The following PPEF1 variants were observed in gnomAD, a reference collection of about 807,000 sequenced individuals.
PPEF1 encodes the protein protein phosphatase with EF-hand domain 1.
Under a neutral mutation model 53.3 loss-of-function variants are expected in PPEF1, and 12 were observed. The observed-to-expected ratio is 0.23, with a 90% CI of 0.14 to 0.36. The LOEUF (loss-of-function observed/expected upper bound fraction) is 0.36, where lower values mean the gene tolerates loss of function less well. Among genes scored for constraint, PPEF1 ranks in the 10% least tolerant of loss-of-function variants. The pLI, the probability that PPEF1 is intolerant of heterozygous loss-of-function variation, is 1.00. For synonymous variants in PPEF1, 165 were observed against 176.7 expected (o/e 0.93, Z 0.52); for missense variants, 334 against 490.4 (o/e 0.68, Z 3.01).
chrX:18,813,388 A>C (rs1316534209), intron 12 of PPEF1, among the ~76,000 whole-genome samples: 3 of 110,342 alleles, frequency 2.7e-5, no homozygotes, highest in Non-Finnish European at 5.7e-5. Context: ...CAAAAAAAAA[A>C]AAAAAAAAAA....
chrX:18,695,223 G>T (rs1207708330), intron 4 of PPEF1, among the ~76,000 whole-genome samples: 3 of 112,483 alleles, frequency 2.7e-5, no homozygotes, highest in African/African-American at 9.7e-5. Flanking sequence ...CTGGCTTTTG[G>T]CTAGAGACTT....
chrX:18,789,532 C>T (rs765470875), intron 10 of PPEF1, among the ~76,000 whole-genome samples: 51 of 112,233 alleles, frequency 4.5e-4, no homozygotes, highest in African/African-American at 1.6e-3. Flanking sequence ...AATTTTAGAA[C>T]GTTTTCATCA....
chrX:18,733,557 G>T (rs2044888631), intron 2 of PPEF1, among the ~76,000 whole-genome samples, 191 bp from the exon 3 acceptor site: 1 of 111,630 alleles, frequency 9.0e-6, no homozygotes, highest in South Asian at 3.8e-4. Flanking sequence ...GGGCGTTCAT[G>T]TGTTACCCTG....
At chrX:18,691,479 C>G (rs969950868) in intron 4 of PPEF1, 1 of 111,845 alleles carries the variant, frequency 8.9e-6, no homozygotes, top group Non-Finnish European at 1.9e-5. Flanking sequence ...GATGGTCTTG[C>G]AAGGTGACTC....
At chrX:18,745,085 TG>T (rs2147441747) in intron 3 of PPEF1, among the ~76,000 whole-genome samples, 1 of 96,106 alleles carries the variant, frequency 1.0e-5, no homozygotes, top group African/African-American at 3.8e-5. Flanking sequence ...TATATTTATA[TG>T]GAATATATAT....
intron 6 of PPEF1, among the ~76,000 whole-genome samples, chrX:18,762,436 G>A (rs949639695): frequency 8.9e-6 from 1 of 111,911 alleles, no homozygotes; most frequent in Admixed American, 9.5e-5. Flanking sequence ...TTACCAGAAA[G>A]GGGTCCCGAT....
At chrX:18,750,440 C>G (rs747875944) in intron 4 of PPEF1, among the ~76,000 whole-genome samples, 18 of 111,781 alleles carry the variant, frequency 1.6e-4, no homozygotes, top group Non-Finnish European at 9.4e-5. Flanking sequence ...TGGCTTCTTT[C>G]TCTTAGTGTT....
chrX:18,789,346 A>G, intron 10 of PPEF1, 73 bp downstream of exon 10: 1 of 1,007,327 alleles, frequency 9.9e-7, no homozygotes, highest in South Asian at 2.6e-5. Flanking sequence ...CAATATATAG[A>G]TAAAAAGTGA....
At chrX:18,825,623 C>T in intron 14 of PPEF1, 128 bp from the exon 15 acceptor site, 1 of 411,144 alleles carries the variant, frequency 2.4e-6, no homozygotes, top group Middle Eastern at 7.4e-4. Flanking sequence ...GAAGTCTGGC[C>T]TTCTCAGATT....
rs2045399265 is a variant in PPEF1 at position 18,749,671 on chromosome X, A to G, written c.236-121A>G. 8.0e-6 allele frequency: 4 copies of G among 497,248 alleles called. No homozygotes were observed. In the South Asian group the frequency reaches 1.4e-4, roughly 18 times the overall value. 41.0% of individuals were successfully genotyped at this position (497,248 alleles called of 1,213,427 possible). On this transcript the variant is annotated intron_variant, in intron 3 of 15. Transcript: ENST00000470157. ...ATATGTGGGCTGTGTTGATATGCAG[A>G]ACATTTAGCACAGTGCCTTACATGG... is the stretch of plus-strand genomic sequence containing the variant.
chrX:18,744,996 T>C (rs979991799), intron 3 of PPEF1, among the ~76,000 whole-genome samples: 10 of 102,134 alleles, frequency 9.8e-5, no homozygotes, highest in African/African-American at 3.2e-4. Flanking sequence ...GTGTGATTAA[T>C]GTCTATATTT....
At position 18,797,993 on chromosome X, in the gene PPEF1, C is replaced by A. The variant is rs1352908657; in HGVS notation, c.1066-5899C>A. On this transcript the variant is annotated intron_variant, in intron 10 of 15. Transcript: ENST00000470157. Reference sequence around the variant, plus strand: ...ACAAGCGTGAGCCACTGCGCCCAGTCTTAAGTGATAAGTTCTATGGGAACA... The same window carrying A: ...ACAAGCGTGAGCCACTGCGCCCAGTATTAAGTGATAAGTTCTATGGGAACA... Among the ~76,000 whole-genome samples the A allele has an allele frequency of 2.7e-5, 3 of 111,229 alleles. No homozygotes were observed. The East Asian group carries it at 8.4e-4, about 31-fold the overall frequency.
intron 1 of PPEF1, among the ~76,000 whole-genome samples, chrX:18,714,311 G>A (rs1450583443): frequency 2.2e-5 from 2 of 90,299 alleles, no homozygotes; most frequent in African/African-American, 8.7e-5. Flanking sequence ...TCACTCTGTC[G>A]CCTGGGCTGG....
intron 3 of PPEF1, among the ~76,000 whole-genome samples, chrX:18,734,217 T>C (rs1339480010): frequency 9.2e-6 from 1 of 108,564 alleles, no homozygotes; most frequent in African/African-American, 3.4e-5. Context: ...GCCATGTTGG[T>C]GTGCTGCACC....
chrX:18,723,827 T>C (rs6654046), intron 1 of PPEF1, among the ~76,000 whole-genome samples: 7,641 of 108,989 alleles, frequency 0.07, 715 homozygotes, highest in African/African-American at 0.24. Flanking sequence ...TTGCCCAGGC[T>C]GGAGTGCAGT....
intron 15 of PPEF1, among the ~76,000 whole-genome samples, chrX:18,827,048 T>C (rs2047184938): frequency 8.9e-6 from 1 of 112,048 alleles, no homozygotes; most frequent in African/African-American, 3.2e-5. Context: ...ATTTCTTCAC[T>C]GTTTGCTCAT....
At chrX:18,695,188 T>G (rs961808634) in intron 4 of PPEF1, among the ~76,000 whole-genome samples, 3 of 112,478 alleles carry the variant, frequency 2.7e-5, no homozygotes, top group Non-Finnish European at 5.6e-5. Flanking sequence ...TCATGGTCTG[T>G]TTGACTGAGG....
At chrX:18,694,426 C>T (rs11796046) in intron 4 of PPEF1, among the ~76,000 whole-genome samples, 36,419 of 110,026 alleles carry the variant, frequency 0.33, 5,707 homozygotes, top group Non-Finnish European at 0.49. Context: ...AGTTGCTCCA[C>T]ATTCTAGCCA....
intron 6 of PPEF1, among the ~76,000 whole-genome samples, chrX:18,702,260 G>A (rs946711353): frequency 2.7e-5 from 3 of 110,670 alleles, no homozygotes; most frequent in African/African-American, 6.6e-5. Flanking sequence ...CACAATCTAC[G>A]GGGGAAGAAT....
Sources: allele counts gnomAD v4.1 joint callset (sites outside exome capture counted in the v4.1 genomes callset), GRCh38; gene constraint gnomAD v4.1.1; transcripts MANE v1.5; gene names NCBI Gene and HGNC (gene_info 2026-07-23, HGNC 2026-07-21).